The following EIF3H variants were observed in gnomAD, a reference collection of about 807,000 sequenced individuals.
EIF3H encodes the protein eukaryotic translation initiation factor 3 subunit H, also known as eIF-3-gamma.
Under a neutral mutation model 44.2 loss-of-function variants are expected in EIF3H, and 26 were observed. The ratio of observed to expected loss-of-function variants is 0.59; its 90% CI spans 0.43 to 0.82. The LOEUF (loss-of-function observed/expected upper bound fraction) is 0.82, where lower values mean the gene tolerates loss of function less well. Ranked by LOEUF, EIF3H falls within the 40% of genes least tolerant of loss-of-function variation. The pLI is 0.00. For synonymous variants in EIF3H, 166 were observed against 151.9 expected (o/e 1.09, Z -0.68); for missense variants, 359 against 432.8 (o/e 0.83, Z 1.51).
At chr8:116,712,049 G>C (rs541832744) in intron 2 of EIF3H, among the ~76,000 whole-genome samples, 1 of 152,346 alleles carries the variant, frequency 6.6e-6, no homozygotes, top group Admixed American at 6.5e-5. Context: ...GAGAGCAGAT[G>C]AGCTTGGAAT....
At chr8:116,646,646 T>C (rs1214660986) in intron 6 of EIF3H, 43 bp from the exon 7 acceptor site, 2 of 1,602,710 alleles carry the variant, frequency 1.2e-6, no homozygotes, top group South Asian at 1.1e-5. Flanking sequence ...TTTCTCCATC[T>C]GAGGAGGAAA....
At chr8:116,693,890 C>T (rs919418582) in intron 2 of EIF3H, among the ~76,000 whole-genome samples, 6 of 152,098 alleles carry the variant, frequency 3.9e-5, no homozygotes, top group African/African-American at 2.4e-5. Flanking sequence ...CGGCCTTGAG[C>T]TTTTGGCCTC....
chr8:116,762,276 T>A (rs997555713), intron 1 of EIF3H, among the ~76,000 whole-genome samples: 25 of 152,254 alleles, frequency 1.6e-4, no homozygotes, highest in Admixed American at 1.6e-3. Context: ...AACTTTTTTT[T>A]AAAACCAAGG....
At chr8:116,714,301 T>C (rs1211753877) in intron 2 of EIF3H, among the ~76,000 whole-genome samples, 2 of 152,044 alleles carry the variant, frequency 1.3e-5, no homozygotes, top group Non-Finnish European at 2.9e-5. Context: ...ACTTCACCTC[T>C]CCTGTGAAGT....
intron 2 of EIF3H, among the ~76,000 whole-genome samples, chr8:116,724,902 G>A (rs114754599): frequency 0.037 from 5,689 of 152,126 alleles, 371 homozygotes; most frequent in African/African-American, 0.13. Context: ...ATTAAAAATA[G>A]AATTACCATG....
At chr8:116,759,106 T>C (rs1168835936), upstream of EIF3H, among the ~76,000 whole-genome samples, 1 of 152,254 alleles carries the variant, frequency 6.6e-6, no homozygotes, top group Non-Finnish European at 1.5e-5. Flanking sequence ...AAGTTCAATA[T>C]TGTGGGTATT....
At chr8:116,743,554 G>A (rs1170855168) in intron 1 of EIF3H, among the ~76,000 whole-genome samples, 1 of 151,904 alleles carries the variant, frequency 6.6e-6, no homozygotes, top group Non-Finnish European at 1.5e-5. Context: ...GACTAGCCTG[G>A]TCAACATGGC....
In EIF3H at chr8:116,645,059, G is replaced by T; in HGVS notation, c.1006C>A (p.Gln336Lys). 6.2e-7 allele frequency: 1 copy of T among 1,614,108 alleles called. No individual in the cohort carries two copies. The highest frequency in any genetic ancestry group is 2.2e-5 in the East Asian group (1 of 44,874). The change falls in exon 8 of 8, where the codon CAA becomes AAA. Residue 336 changes from glutamine to lysine, a missense_variant. Physicochemically the swap from Gln to Lys is moderately conservative, Grantham distance 53. Coordinates refer to ENST00000521861, the MANE Select transcript of EIF3H (RefSeq NM_003756.3). ...YCQNIKEFTA[Q>K]NLGKLFMAQA... ...GCCATGAAGAGCTTGCCTAAGTTTT[G>T]GGCAGTGAACTCCTTGATGTTCTGG...
chr8:116,672,099 T>A (rs1813768010), intron 2 of EIF3H, among the ~76,000 whole-genome samples: 1 of 152,176 alleles, frequency 6.6e-6, no homozygotes, highest in African/African-American at 2.4e-5. Context: ...GCAATGAGTA[T>A]CCTTGTTAGA....
chr8:116,738,543 A>C (rs1291635158), intron 1 of EIF3H, among the ~76,000 whole-genome samples: 1 of 57,016 alleles, frequency 1.8e-5, no homozygotes, highest in Non-Finnish European at 4.2e-5. Context: ...CTGGTTTTCA[A>C]CAAGCAGAAA....
chr8:116,765,921 G>A (rs1472895431), exon 1 of EIF3H: 1 of 152,200 alleles, frequency 6.6e-6, no homozygotes, highest in Non-Finnish European at 1.5e-5. Flanking sequence ...GGCACCCTTT[G>A]CCCTGACAAA....
chr8:116,669,879 T>A (rs1813725978), intron 2 of EIF3H, among the ~76,000 whole-genome samples: 1 of 142,958 alleles, frequency 7.0e-6, no homozygotes, highest in African/African-American at 2.6e-5. Flanking sequence ...TCCTTTCTTG[T>A]CCTCACTTCC....
chr8:116,738,332 G>A (rs1046038049), intron 1 of EIF3H, among the ~76,000 whole-genome samples: 1 of 152,142 alleles, frequency 6.6e-6, no homozygotes, highest in Non-Finnish European at 1.5e-5. Context: ...TGGGCTGAAT[G>A]AAGCAGTTAA....
intron 2 of EIF3H, among the ~76,000 whole-genome samples, chr8:116,718,700 C>A (rs549901905): frequency 6.2e-5 from 8 of 129,630 alleles, no homozygotes; most frequent in African/African-American, 1.2e-4. Flanking sequence ...AAGACCGATA[C>A]AATGGGCTTT....
intron 2 of EIF3H, among the ~76,000 whole-genome samples, chr8:116,693,823 G>A (rs1208178778): frequency 1.3e-5 from 2 of 152,080 alleles, no homozygotes; most frequent in Non-Finnish European, 2.9e-5. Context: ...GACTACAGGA[G>A]TGCACCACCA....
intron 2 of EIF3H, among the ~76,000 whole-genome samples, chr8:116,698,883 G>A (rs1287051629): frequency 1.3e-5 from 2 of 152,110 alleles, no homozygotes; most frequent in Non-Finnish European, 2.9e-5. Context: ...TGCAGTGGCT[G>A]ACATCTGTAG....
At chr8:116,688,557 T>C (rs1045543662) in intron 2 of EIF3H, among the ~76,000 whole-genome samples, 1 of 152,082 alleles carries the variant, frequency 6.6e-6, no homozygotes, top group Admixed American at 6.6e-5. Flanking sequence ...ATTAAATTCA[T>C]AATGCATGTA....
At chr8:116,735,777 G>T (rs1006355327) in intron 1 of EIF3H, among the ~76,000 whole-genome samples, 2 of 151,490 alleles carry the variant, frequency 1.3e-5, no homozygotes, top group Admixed American at 6.6e-5. Flanking sequence ...AGGTATGCTT[G>T]CAGGAGGCGA....
intron 2 of EIF3H, among the ~76,000 whole-genome samples, chr8:116,716,266 T>C (rs1048768806): frequency 1.3e-5 from 2 of 152,086 alleles, no homozygotes; most frequent in Admixed American, 6.5e-5. Context: ...AAGCTGAGAT[T>C]TCCACCCAGG....
Sources: allele counts gnomAD v4.1 joint callset (sites outside exome capture counted in the v4.1 genomes callset), GRCh38; gene constraint gnomAD v4.1.1; transcripts MANE v1.5; gene names NCBI Gene and HGNC (gene_info 2026-07-23, HGNC 2026-07-21).